The following SEMA3A variants were observed in gnomAD, a reference collection of about 807,000 sequenced individuals.
The protein encoded by SEMA3A is semaphorin-3A.
A neutral mutation model predicts 97.9 loss-of-function variants in SEMA3A; 29 were observed. That is an observed-to-expected ratio of 0.30 (90% CI 0.22 to 0.40). The LOEUF is 0.40. SEMA3A is among the 10% of genes least tolerant of loss of function. The probability of loss-of-function intolerance (pLI) is 1.00; values close to 1 mark genes in which losing one functional copy is unlikely to be tolerated. For missense variants in SEMA3A, 763 were observed against 951.3 expected, an observed-to-expected ratio of 0.80 and a Z score of 2.60; for synonymous variants, 321 against 323.7, an observed-to-expected ratio of 0.99 and a Z score of 0.09.
chr7:84,425,878 C>CACACACACACACACA (rs543736541), intron 1 of SEMA3A, among the ~76,000 whole-genome samples: 11 of 45,746 alleles, frequency 2.4e-4, no homozygotes, highest in African/African-American at 1.7e-3. Flanking sequence ...ACACACACAC[C>CACACACACACACACA]CACACACACA....
At chr7:83,995,210 A>G (rs1328838455) in intron 12 of SEMA3A, among the ~76,000 whole-genome samples, 1 of 152,098 alleles carries the variant, frequency 6.6e-6, no homozygotes, top group Non-Finnish European at 1.5e-5. Flanking sequence ...ACCTGCACCC[A>G]CTGTCTGGCA....
chr7:83,963,589 G>A (rs928263394), intron 15 of SEMA3A, among the ~76,000 whole-genome samples: 4 of 152,128 alleles, frequency 2.6e-5, no homozygotes, highest in Admixed American at 6.5e-5. Flanking sequence ...ACCAGAAAAT[G>A]GCATTACATT....
At chr7:84,119,891 A>G (rs997462050) in intron 3 of SEMA3A, among the ~76,000 whole-genome samples, 7 of 152,254 alleles carry the variant, frequency 4.6e-5, no homozygotes, top group African/African-American at 1.7e-4. Context: ...GTACTCTAAA[A>G]GTATGTACAC....
chr7:83,993,757 T>G (rs1459470743), intron 12 of SEMA3A, among the ~76,000 whole-genome samples: 2 of 120,094 alleles, frequency 1.7e-5, no homozygotes, highest in Non-Finnish European at 1.7e-5. Context: ...TATTTTTTCC[T>G]TCATTTCAAC....
chr7:84,382,400 C>A (rs915713162), intron 1 of SEMA3A, among the ~76,000 whole-genome samples: 6 of 150,596 alleles, frequency 4.0e-5, no homozygotes, highest in Non-Finnish European at 7.4e-5. Flanking sequence ...AGCCACTGTG[C>A]CAGCCCTCAT....
At chr7:84,306,707 C>T (rs776360134) in intron 3 of SEMA3A, 2 of 152,132 alleles carry the variant, frequency 1.3e-5, no homozygotes, top group East Asian at 1.9e-4. Flanking sequence ...TTCAATCTCA[C>T]ATGTGAGGTC....
intron 2 of SEMA3A, among the ~76,000 whole-genome samples, chr7:84,323,008 A>C (rs898619751): frequency 6.6e-6 from 1 of 152,124 alleles, no homozygotes; most frequent in Non-Finnish European, 1.5e-5. Flanking sequence ...AACAACCACA[A>C]CTGTGGCCTT....
intron 6 of SEMA3A, among the ~76,000 whole-genome samples, chr7:84,023,859 A>G (rs1791428058): frequency 6.6e-6 from 1 of 151,996 alleles, no homozygotes; most frequent in South Asian, 2.1e-4. Flanking sequence ...AAAATACAAA[A>G]AAGTTAGCCG....
intron 2 of SEMA3A, among the ~76,000 whole-genome samples, chr7:84,334,656 T>C (rs1264057626): frequency 6.7e-6 from 1 of 150,060 alleles, no homozygotes; most frequent in Admixed American, 6.7e-5. Context: ...TGCCTCCTGG[T>C]CACCCCCATG....
chr7:83,980,091 T>A (rs962661585), intron 14 of SEMA3A, among the ~76,000 whole-genome samples: 1 of 152,260 alleles, frequency 6.6e-6, no homozygotes, highest in Non-Finnish European at 1.5e-5. Context: ...TTTGGGCTCA[T>A]ATTAACGAGA....
intron 2 of SEMA3A, among the ~76,000 whole-genome samples, chr7:84,370,952 A>G (rs1802959068): frequency 6.6e-6 from 1 of 151,316 alleles, no homozygotes; most frequent in Non-Finnish European, 1.5e-5. Context: ...CTAGTATACC[A>G]TATAGAACAT....
rs186860502 is a variant in SEMA3A at position 84,308,235 on chromosome 7, C to T, written c.-168-943G>A. Among the ~76,000 whole-genome samples the T allele has an allele frequency of 3.0e-4, 45 of 151,994 alleles. No individual in the cohort carries two copies. In the East Asian group the frequency reaches 7.1e-3, roughly 24 times the overall value. ...AATATATTGTCCTATATGCATTTTT[C>T]GGCAGACATTTATTGGATCCCTTAC... is the stretch of plus-strand genomic sequence containing the variant. On this transcript the variant is annotated intron_variant, in intron 2 of 3. Transcript: ENST00000424555.
intron 1 of SEMA3A, among the ~76,000 whole-genome samples, chr7:84,460,001 G>A (rs763610003): frequency 3.7e-4 from 56 of 152,114 alleles, no homozygotes; most frequent in Non-Finnish European, 6.5e-4. Flanking sequence ...CATTGCAGCG[G>A]AGGAGATACA....
At chr7:84,334,123 C>T (rs1297771074) in intron 2 of SEMA3A, among the ~76,000 whole-genome samples, 2 of 152,060 alleles carry the variant, frequency 1.3e-5, no homozygotes, top group African/African-American at 4.8e-5. Context: ...ACTTTGATCA[C>T]TGCTAGTTTA....
intron 2 of SEMA3A, among the ~76,000 whole-genome samples, chr7:84,308,250 G>C (rs369834931): frequency 7.5e-4 from 114 of 152,044 alleles, no homozygotes; most frequent in African/African-American, 2.4e-3. Context: ...GACATTTATT[G>C]GATCCCTTAC....
chr7:84,072,856 T>C, intron 4 of SEMA3A, among the ~76,000 whole-genome samples: 1 of 152,320 alleles, frequency 6.6e-6, no homozygotes, highest in Middle Eastern at 3.4e-3. Flanking sequence ...TTTCACTTAA[T>C]CTTCATGACA....
chr7:84,245,206 C>T (rs1363059535), intron 3 of SEMA3A, among the ~76,000 whole-genome samples: 1 of 152,122 alleles, frequency 6.6e-6, no homozygotes, highest in Non-Finnish European at 1.5e-5. Flanking sequence ...TTCCATTCTC[C>T]CCATCAGTTT....
rs78139859 is a variant in SEMA3A, at chr7:84,248,224, C to T, written c.-82-53556G>A. 7.2e-3 allele frequency among the ~76,000 whole-genome samples: 1,089 copies of T among 152,246 alleles called. 6 individuals are homozygous for T. The highest frequency in any genetic ancestry group is 0.011 in the Non-Finnish European group (778 of 68,018). ...ATGTTGATATTTTCCCTCAATTCTC[C>T]GCTTTCTCTTCAAATAACTTTTAGC... On this transcript the variant is annotated intron_variant, in intron 3 of 3. Transcript: ENST00000424555.
chr7:84,323,723 T>C (rs949439106), intron 2 of SEMA3A, among the ~76,000 whole-genome samples: 48 of 152,288 alleles, frequency 3.2e-4, no homozygotes, highest in African/African-American at 1.1e-3. Context: ...TATGGACAGA[T>C]GTGCGCCTTA....
Sources: gnomAD v4.1 joint callset for allele counts (sites outside exome capture counted in the v4.1 genomes callset) on GRCh38, gnomAD v4.1.1 for gene constraint, MANE v1.5 for transcripts, NCBI Gene and HGNC (gene_info 2026-07-23, HGNC 2026-07-21) for gene names.